PHYHIPL: variants seen among roughly 807,000 people sequenced by gnomAD.
PHYHIPL encodes phytanoyl-CoA 2-hydroxylase interacting protein like.
Under a neutral mutation model 33.4 loss-of-function variants are expected in PHYHIPL, and 9 were observed. That is an observed-to-expected ratio of 0.27 (90% confidence interval 0.16 to 0.47). The LOEUF is 0.47. Ranked by LOEUF, PHYHIPL falls within the 20% of genes least tolerant of loss-of-function variation. PHYHIPL has a pLI of 0.99. For synonymous variants in PHYHIPL, 153 were observed against 154.1 expected (o/e 0.99, Z 0.05); for missense variants, 365 against 460.7 (o/e 0.79, Z 1.90).
intron 1 of PHYHIPL, among the ~76,000 whole-genome samples, chr10:59,191,384 C>T (rs1838779997): frequency 6.6e-6 from 1 of 151,904 alleles, no homozygotes; most frequent in Non-Finnish European, 1.5e-5. Context: ...AATAATGCAA[C>T]ATTTGATAAG....
chr10:59,185,060 G>A (rs541591118), intron 1 of PHYHIPL, among the ~76,000 whole-genome samples: 2 of 143,238 alleles, frequency 1.4e-5, no homozygotes, highest in Non-Finnish European at 3.0e-5. Context: ...GCGGGATCTC[G>A]GCTCACTGCA....
At chr10:59,233,535 A>G (rs1173987071) in intron 1 of PHYHIPL, among the ~76,000 whole-genome samples, 1 of 151,814 alleles carries the variant, frequency 6.6e-6, no homozygotes, top group African/African-American at 2.4e-5. Context: ...TCCTATATGT[A>G]AAACAAACTT....
chr10:59,180,441 T>C (rs1413313053), intron 1 of PHYHIPL, among the ~76,000 whole-genome samples: 2 of 149,714 alleles, frequency 1.3e-5, no homozygotes, highest in Non-Finnish European at 3.0e-5. Context: ...AGCTTTGTTA[T>C]AGTAAGGAAG....
chr10:59,240,294 A>G (rs1181869388), intron 4 of PHYHIPL, among the ~76,000 whole-genome samples: 1 of 152,032 alleles, frequency 6.6e-6, no homozygotes, highest in Non-Finnish European at 1.5e-5. Flanking sequence ...TTAGCAAGGA[A>G]GGTGTTTCTT....
chr10:59,187,153 A>T (rs958260646), intron 1 of PHYHIPL, among the ~76,000 whole-genome samples: 2 of 152,170 alleles, frequency 1.3e-5, no homozygotes, highest in African/African-American at 4.8e-5. Flanking sequence ...TACCTAATTT[A>T]TTGAGAGTTT....
At chr10:59,198,966 A>T (rs185375808) in intron 1 of PHYHIPL, among the ~76,000 whole-genome samples, 5 of 152,224 alleles carry the variant, frequency 3.3e-5, no homozygotes, top group African/African-American at 1.2e-4. Context: ...GCCCTTTGTC[A>T]GATGAGTAGA....
In PHYHIPL at chr10:59,224,491, A is replaced by AAAAC. The variant is rs1483467045; in HGVS notation, c.107-9809_107-9806dup. On this transcript the variant is annotated intron_variant, in intron 1 of 4. Coordinates refer to ENST00000373880, the MANE Select transcript of PHYHIPL (RefSeq NM_032439.4). ...AAAACAAAACAAAACAAAACAAAAC[A>AAAAC]AAACAAAAAACAAAACAAAAAACAA... Among the ~76,000 whole-genome samples the AAAAC allele has an allele frequency of 6.1e-5, 9 of 146,612 alleles. 1 individual carries two copies. In the East Asian group the frequency reaches 1.8e-3, roughly 29 times the overall value.
At chr10:59,184,126 G>A (rs1170192681) in intron 1 of PHYHIPL, among the ~76,000 whole-genome samples, 3 of 152,118 alleles carry the variant, frequency 2.0e-5, no homozygotes, top group East Asian at 3.9e-4. Flanking sequence ...GCATTTTAGA[G>A]TTATATCTGT....
At chr10:59,190,229 A>G (rs1343367781) in intron 1 of PHYHIPL, among the ~76,000 whole-genome samples, 1 of 151,884 alleles carries the variant, frequency 6.6e-6, no homozygotes, top group Non-Finnish European at 1.5e-5. Flanking sequence ...TCTTATTTTT[A>G]TTGCATTATA....
At chr10:59,229,577 T>A (rs1589291169) in intron 1 of PHYHIPL, among the ~76,000 whole-genome samples, 1 of 152,146 alleles carries the variant, frequency 6.6e-6, no homozygotes, top group East Asian at 1.9e-4. Context: ...AAAGTTTAAA[T>A]GAGCAATGGA....
intron 1 of PHYHIPL, among the ~76,000 whole-genome samples, chr10:59,219,488 A>G (rs917488564): frequency 6.6e-6 from 1 of 152,200 alleles, no homozygotes; most frequent in Non-Finnish European, 1.5e-5. Flanking sequence ...AAATTGTTGT[A>G]TCAATAATAG....
At chr10:59,182,989 G>A (rs1838452332) in intron 1 of PHYHIPL, among the ~76,000 whole-genome samples, 1 of 152,114 alleles carries the variant, frequency 6.6e-6, no homozygotes, top group Non-Finnish European at 1.5e-5. Flanking sequence ...TTTAGGAGCT[G>A]GTGAATATCC....
chr10:59,184,905 T>A (rs2133185476), intron 1 of PHYHIPL, among the ~76,000 whole-genome samples: 1 of 151,384 alleles, frequency 6.6e-6, no homozygotes, highest in East Asian at 1.9e-4. Context: ...CAGTGTTTAG[T>A]TTTTTGTCCT....
At position 59,214,899 on chromosome 10, in the gene PHYHIPL, G is replaced by C. The variant is rs545430135; in HGVS notation, c.107-19405G>C. Among the ~76,000 whole-genome samples, 17 of 152,002 alleles carry C rather than the reference G, an allele frequency of 1.1e-4. No homozygotes were observed. The South Asian group carries it at 1.2e-3, about 11-fold the overall frequency. On this transcript the variant is annotated intron_variant, in intron 1 of 4. Transcript: ENST00000373880. ...ATGGTTGATTCCAGGTCTAGACAGGGCAGATAACAAGGATATATACATAGA... is the reference window on the plus strand; with the variant it reads ...ATGGTTGATTCCAGGTCTAGACAGGCCAGATAACAAGGATATATACATAGA...
chr10:59,243,491 C>G (rs534862949), intron 4 of PHYHIPL, among the ~76,000 whole-genome samples: 1 of 152,240 alleles, frequency 6.6e-6, no homozygotes, highest in South Asian at 2.1e-4. Context: ...TCCAGGATAT[C>G]ACACATTTAT....
intron 1 of PHYHIPL, among the ~76,000 whole-genome samples, chr10:59,211,664 T>A (rs866881696): frequency 8.1e-5 from 6 of 74,102 alleles, no homozygotes; most frequent in African/African-American, 1.3e-4. Context: ...GCGGACTCTC[T>A]AAAAAAAAAA....
intron 1 of PHYHIPL, among the ~76,000 whole-genome samples, chr10:59,201,600 A>G (rs551055530): frequency 1.3e-5 from 2 of 151,826 alleles, no homozygotes; most frequent in East Asian, 3.9e-4. Context: ...TGAGTTCAAG[A>G]TCTCTTCAAT....
chr10:59,215,544 A>G (rs1031626486), intron 1 of PHYHIPL, among the ~76,000 whole-genome samples: 2 of 152,028 alleles, frequency 1.3e-5, no homozygotes, highest in Non-Finnish European at 2.9e-5. Flanking sequence ...TAATTGCGAC[A>G]AGACGGCCAT....
At chr10:59,175,374 T>C (rs1305330340), upstream of PHYHIPL, among the ~76,000 whole-genome samples, 1 of 152,212 alleles carries the variant, frequency 6.6e-6, no homozygotes, top group Non-Finnish European at 1.5e-5. Context: ...TTATTGAAGC[T>C]TCAATTAATT....
Sources: allele counts gnomAD v4.1 joint callset (sites outside exome capture counted in the v4.1 genomes callset), GRCh38; gene constraint gnomAD v4.1.1; transcripts MANE v1.5; gene names NCBI Gene and HGNC (gene_info 2026-07-23, HGNC 2026-07-21).